Variants in ARMC10 observed in about 807,000 individuals in gnomAD.
The protein encoded by ARMC10 is armadillo repeat containing 10.
Under a neutral mutation model 30.2 loss-of-function variants are expected in ARMC10, and 23 were observed. The observed-to-expected ratio is 0.76, with a 90% CI of 0.55 to 1.08. The LOEUF (loss-of-function observed/expected upper bound fraction) is 1.08. Among genes scored for constraint, ARMC10 ranks in the 50% least tolerant of loss-of-function variants. The pLI, the probability that ARMC10 is intolerant of heterozygous loss-of-function variation, is 0.00. For missense variants in ARMC10, 303 were observed against 413.7 expected (o/e 0.73, Z 2.32); for synonymous variants, 111 against 164.4 (o/e 0.68, Z 2.48).
At chr7:103,082,956 T>C (rs1188758158) in intron 2 of ARMC10, 4 of 415,282 alleles carry the variant, frequency 9.6e-6, no homozygotes, top group Non-Finnish European at 1.9e-5. Context: ...CAAACAAAAA[T>C]GCCACACTAG....
At chr7:103,079,486 A>G (rs2129520250) in intron 2 of ARMC10, among the ~76,000 whole-genome samples, 1 of 152,376 alleles carries the variant, frequency 6.6e-6, no homozygotes, top group Non-Finnish European at 1.5e-5. Context: ...TAGCATCCTT[A>G]TCAAACTCAA....
chr7:103,089,503 A>G (rs1801129725), intron 4 of ARMC10: 2 of 199,686 alleles, frequency 1.0e-5, no homozygotes, highest in Admixed American at 9.1e-5. Flanking sequence ...GATTACAACT[A>G]ATGGTCTTTT....
At chr7:103,081,496 C>T (rs933760162) in intron 2 of ARMC10, among the ~76,000 whole-genome samples, 3 of 152,324 alleles carry the variant, frequency 2.0e-5, no homozygotes, top group Admixed American at 2.0e-4. Flanking sequence ...CTCGGCCTCC[C>T]GAGTACCTGG....
chr7:103,096,180 C>T (rs1168251111), intron 5 of ARMC10: 1 of 152,168 alleles, frequency 6.6e-6, no homozygotes, highest in East Asian at 1.9e-4. Context: ...GCTAGTCACC[C>T]ATTAGATAAC....
intron 5 of ARMC10, among the ~76,000 whole-genome samples, chr7:103,092,858 T>TC (rs1801468856): frequency 6.6e-6 from 1 of 152,224 alleles, no homozygotes; most frequent in Admixed American, 6.5e-5. Context: ...AGATTCCTGT[T>TC]CATTTGGTTT....
At chr7:103,075,511 C>A (rs1011764408) in intron 1 of ARMC10, 100 bp downstream of exon 1, 27 of 1,165,602 alleles carry the variant, frequency 2.3e-5, no homozygotes, top group Non-Finnish European at 2.0e-5. Context: ...AATGAGGAGC[C>A]GAGCTAGAGG....
rs539493358 is a variant in ARMC10, at chr7:103,080,367, A to C, written c.245-3315A>C. On this transcript the variant is annotated intron_variant, in intron 2 of 6. Transcript: ENST00000323716. ...CCTCCCAGGTTCAAGTGATGCTTCT[A>C]CCTCGGCCACCCGAGTAGCTGGGAC... 3.3e-5 allele frequency among the ~76,000 whole-genome samples: 5 copies of C among 151,800 alleles called. No homozygotes were observed. In the South Asian group the frequency reaches 1.0e-3, roughly 32 times the overall value.
Position 103,094,957 on chromosome 7 carries a change from A to G in ARMC10, c.705+2304A>G, listed in dbSNP as rs1472509303. On this transcript the variant is annotated intron_variant, in intron 5 of 6. Transcript: ENST00000323716. ...TATCATGACCAAGTAGTAATTTTCT[A>G]AAAATAAAGAAATATTTGATAAAAA... is the stretch of plus-strand genomic sequence containing the variant. Among the ~76,000 whole-genome samples, 4 of 29,248 alleles carry G rather than the reference A, an allele frequency of 1.4e-4. No individual in the cohort carries two copies. In the Non-Finnish European group the frequency reaches 0.013, roughly 93 times the overall value. The allele number at this position is 29,248 out of a possible 152,430, so 19.2% of individuals were successfully genotyped here.
rs140513385 is a variant in ARMC10 at position 103,081,498 on chromosome 7, A to G, written c.245-2184A>G. Among the ~76,000 whole-genome samples, 969 of 152,264 alleles carry G rather than the reference A, an allele frequency of 6.4e-3. 9 individuals are homozygous for G. Among genetic ancestry groups the G allele is most frequent in the East Asian group, 0.053 (273 of 5,182 alleles). On this transcript the variant is annotated intron_variant, in intron 2 of 6. Transcript: ENST00000323716. ...GCAATTTTCCCGCCTCGGCCTCCCG[A>G]GTACCTGGGATTACAAGGCATCCTG... is the stretch of plus-strand genomic sequence containing the variant.
chr7:103,075,562 C>T, intron 1 of ARMC10, 151 bp downstream of exon 1: 2 of 1,025,688 alleles, frequency 1.9e-6, no homozygotes, highest in Non-Finnish European at 2.6e-6. Context: ...CTGCGCCGCC[C>T]CCGCCGCCCC....
At chr7:103,088,251 CTTTA>C (rs1801023202) in intron 4 of ARMC10, among the ~76,000 whole-genome samples, 5 of 152,208 alleles carry the variant, frequency 3.3e-5, no homozygotes, top group Admixed American at 2.0e-4. Flanking sequence ...TCCAGAAAAT[CTTTA>C]GAGTCCAATA....
chr7:103,077,667 G>C (rs1415205279), intron 2 of ARMC10, among the ~76,000 whole-genome samples: 1 of 152,196 alleles, frequency 6.6e-6, no homozygotes, highest in Admixed American at 6.5e-5. Context: ...GTTTCGACAT[G>C]AGTTTCGCAG....
intron 1 of ARMC10, 35 bp downstream of exon 1, chr7:103,075,446 A>G (rs1332590865): frequency 1.6e-6 from 2 of 1,281,160 alleles, no homozygotes; most frequent in East Asian, 2.9e-5. Flanking sequence ...GTGGGCGGGG[A>G]CTGGGCAGGG....
chr7:103,092,345 A>AG, intron 4 of ARMC10, 132 bp from the exon 5 acceptor site: 1 of 494,566 alleles, frequency 2.0e-6, no homozygotes, highest in East Asian at 3.4e-5. Context: ...AAAAAAAAAA[A>AG]AAAAAAGTCG....
At position 103,099,317 on chromosome 7, in the gene ARMC10, C is replaced by T. The variant is rs1164434046; in HGVS notation, c.*764C>T. On this transcript the variant is annotated 3_prime_UTR_variant, in exon 7 of 7. Transcript: ENST00000323716. The stretch of plus-strand genomic sequence containing the variant: ...AGAAACCCTGTCTCTACTAAGAACA[C>T]AAAATTAGCTGGGCATGGTGGTGCA... The T allele has an allele frequency of 8.8e-6, 1 of 113,010 alleles. No individual in the cohort carries two copies. Among genetic ancestry groups the T allele is most frequent in the African/African-American group, 2.8e-5 (1 of 35,114 alleles). The allele number at this position is 113,010 out of a possible 1,614,324, so 7.0% of individuals were successfully genotyped here. A position where few individuals can be genotyped will look rare whatever the true frequency, so the allele number is the denominator to read the frequency against.
chr7:103,084,446 GC>G (rs1800657697), intron 3 of ARMC10, among the ~76,000 whole-genome samples: 1 of 151,936 alleles, frequency 6.6e-6, no homozygotes, highest in Non-Finnish European at 1.5e-5. Flanking sequence ...GTTTTTTTTA[GC>G]CCAGCTTTCT....
intron 2 of ARMC10, 39 bp from the exon 3 acceptor site, chr7:103,083,643 G>C (rs761010829): frequency 6.4e-7 from 1 of 1,571,030 alleles, no homozygotes; most frequent in Non-Finnish European, 8.7e-7. Context: ...ACCTCGTATT[G>C]ATTTTAGCTT....
At chr7:103,095,920 T>G (rs1018091254) in intron 5 of ARMC10, 1 of 142,886 alleles carries the variant, frequency 7.0e-6, no homozygotes, top group Non-Finnish European at 1.5e-5. Context: ...AACATCACAC[T>G]CTGGGGACTG....
chr7:103,089,501 CTAAT>C (rs1344434747), intron 4 of ARMC10: 2 of 200,352 alleles, frequency 1.0e-5, no homozygotes, highest in African/African-American at 4.7e-5. Context: ...TTGATTACAA[CTAAT>C]GGTCTTTTGG....
Sources: gnomAD v4.1 joint callset for allele counts (sites outside exome capture counted in the v4.1 genomes callset) on GRCh38, gnomAD v4.1.1 for gene constraint, MANE v1.5 for transcripts, NCBI Gene and HGNC (gene_info 2026-07-23, HGNC 2026-07-21) for gene names.